Variants in NKAIN2 observed in about 807,000 individuals in gnomAD.
The protein encoded by NKAIN2 is sodium/potassium transporting ATPase interacting 2.
Under a neutral mutation model 32.6 loss-of-function variants are expected in NKAIN2, and 14 were observed. The ratio of observed to expected loss-of-function variants is 0.43; its 90% CI spans 0.28 to 0.67. The LOEUF (loss-of-function observed/expected upper bound fraction) is 0.67, where lower values mean the gene tolerates loss of function less well. Ranked by LOEUF, NKAIN2 falls within the 30% of genes least tolerant of loss-of-function variation. NKAIN2 has a pLI of 0.17. For missense variants in NKAIN2, 198 were observed against 258.3 expected (o/e 0.77, Z 1.60); for synonymous variants, 80 against 87.2 (o/e 0.92, Z 0.46).
intron 2 of NKAIN2, among the ~76,000 whole-genome samples, chr6:124,316,091 C>CT (rs568578819): frequency 2.6e-4 from 40 of 151,792 alleles, no homozygotes; most frequent in South Asian, 2.3e-3. Flanking sequence ...CTAGAGTTAA[C>CT]TTTTTTTTGT....
At chr6:124,227,139 C>T (rs1792161761) in intron 1 of NKAIN2, among the ~76,000 whole-genome samples, 1 of 150,568 alleles carries the variant, frequency 6.6e-6, no homozygotes, top group South Asian at 2.1e-4. Flanking sequence ...GGCCTGAACT[C>T]AAACCTCCTT....
At chr6:124,168,241 A>G (rs1378621179) in intron 1 of NKAIN2, among the ~76,000 whole-genome samples, 2 of 152,172 alleles carry the variant, frequency 1.3e-5, no homozygotes, top group Non-Finnish European at 2.9e-5. Context: ...AAATTTGACA[A>G]GTTAACTGAA....
In NKAIN2 at chr6:124,823,521, G is replaced by T. The variant is rs1330853508; in HGVS notation, c.*292G>T. The T allele has an allele frequency of 7.7e-6, 3 of 391,682 alleles. No individual in the cohort carries two copies. The highest frequency in any genetic ancestry group is 4.4e-5 in the South Asian group (1 of 22,976). 24.3% of individuals were successfully genotyped at this position (391,682 alleles called of 1,614,324 possible). On this transcript the variant is annotated 3_prime_UTR_variant, in exon 7 of 7. Coordinates refer to ENST00000368417, the MANE Select transcript of NKAIN2 (RefSeq NM_001040214.3). Reference sequence around the variant, plus strand: ...CCCCTTTCTCCCAGGCCTTCGGAAAGTTCAGAAGGAGATGTGTTGATGCCC... The same window carrying T: ...CCCCTTTCTCCCAGGCCTTCGGAAATTTCAGAAGGAGATGTGTTGATGCCC...
At chr6:124,672,782 T>G (rs2114479051) in intron 4 of NKAIN2, among the ~76,000 whole-genome samples, 1 of 152,170 alleles carries the variant, frequency 6.6e-6, no homozygotes, top group East Asian at 1.9e-4. Context: ...TGAAACCCTA[T>G]GTAAAAGATA....
chr6:124,042,475 T>A (rs1781913793), intron 1 of NKAIN2, among the ~76,000 whole-genome samples: 1 of 152,036 alleles, frequency 6.6e-6, no homozygotes, highest in South Asian at 2.1e-4. Flanking sequence ...ATTTCCTTAT[T>A]CTACTCCTTA....
chr6:124,822,758 C>T (rs1371275836), intron 6 of NKAIN2, among the ~76,000 whole-genome samples: 1 of 151,990 alleles, frequency 6.6e-6, no homozygotes, highest in East Asian at 1.9e-4. Flanking sequence ...CTGCGTGCTC[C>T]AGCCCCGGCA....
rs61588781 is a variant in NKAIN2, at chr6:124,369,880, A to AT, written c.273+14551dup. Among the ~76,000 whole-genome samples, 125 of 82,374 alleles carry AT rather than the reference A, an allele frequency of 1.5e-3. 6 individuals are homozygous for AT. The South Asian group carries it at 0.031, about 21-fold the overall frequency. 54.0% of individuals were successfully genotyped at this position (82,374 alleles called of 152,430 possible). A position where few individuals can be genotyped will look rare whatever the true frequency, so the allele number is the denominator to read the frequency against. On this transcript the variant is annotated intron_variant, in intron 3 of 6. Coordinates refer to ENST00000368417, the MANE Select transcript of NKAIN2 (RefSeq NM_001040214.3). ...ATTTGCTTTAGAGGGCAGAATGTCA[A>AT]TTTTTTTTTTTTTTTTTTAACCTGT... is the stretch of plus-strand genomic sequence containing the variant.
chr6:124,598,501 T>C (rs899646779), intron 3 of NKAIN2, among the ~76,000 whole-genome samples: 8 of 152,064 alleles, frequency 5.3e-5, no homozygotes, highest in Non-Finnish European at 4.4e-5. Flanking sequence ...GGTAGAACCA[T>C]GCAATGGGTC....
intron 1 of NKAIN2, among the ~76,000 whole-genome samples, chr6:124,032,721 T>C (rs984729842): frequency 6.6e-6 from 1 of 152,082 alleles, no homozygotes; most frequent in Non-Finnish European, 1.5e-5. Flanking sequence ...ATTTAAAACA[T>C]TATTTTATTT....
At chr6:124,820,310 C>T (rs142591831) in intron 6 of NKAIN2, among the ~76,000 whole-genome samples, 171 of 152,278 alleles carry the variant, frequency 1.1e-3, no homozygotes, top group African/African-American at 2.5e-3. Flanking sequence ...AAATTCCCTC[C>T]GACCGTGGGC....
intron 1 of NKAIN2, among the ~76,000 whole-genome samples, chr6:124,162,650 C>T (rs1048291643): frequency 6.6e-6 from 1 of 152,014 alleles, no homozygotes; most frequent in Non-Finnish European, 1.5e-5. Context: ...TGATCACAAA[C>T]TCAAACTGCC....
chr6:124,659,783 C>T (rs1051591692), intron 4 of NKAIN2, among the ~76,000 whole-genome samples: 3 of 151,824 alleles, frequency 2.0e-5, no homozygotes, highest in African/African-American at 4.8e-5. Flanking sequence ...GTTCATTGTG[C>T]GGAATTGGTC....
chr6:124,641,027 C>A lies in NKAIN2; in HGVS notation c.274-17159C>A, dbSNP rs528332892. 2.5e-4 allele frequency among the ~76,000 whole-genome samples: 38 copies of A among 152,294 alleles called. No individual in the cohort carries two copies. The South Asian group carries it at 7.9e-3, about 32-fold the overall frequency. ...TTGATATGCACTTCTTGAGAAGGAA[C>A]TGTGAACATATCGGGTTTAACATGT... is the stretch of plus-strand genomic sequence containing the variant. On this transcript the variant is annotated intron_variant, in intron 3 of 6. Transcript: ENST00000368417.
intron 4 of NKAIN2, among the ~76,000 whole-genome samples, chr6:124,725,980 G>T (rs375846165): frequency 2.0e-5 from 3 of 152,194 alleles, no homozygotes; most frequent in South Asian, 2.1e-4. Context: ...ACTCCCACCC[G>T]AATACTGCGC....
intron 3 of NKAIN2, among the ~76,000 whole-genome samples, chr6:124,381,283 T>C (rs556823688): frequency 1.3e-5 from 2 of 152,260 alleles, no homozygotes; most frequent in African/African-American, 4.8e-5. Flanking sequence ...TTACTACTTT[T>C]AAAGAAATTA....
intron 4 of NKAIN2, among the ~76,000 whole-genome samples, chr6:124,690,054 T>C (rs1050869158): frequency 3.0e-4 from 45 of 152,142 alleles, no homozygotes; most frequent in Admixed American, 2.4e-3. Context: ...AGAACAGATA[T>C]CTTGAAATAT....
chr6:124,312,984 T>C (rs546451720), intron 2 of NKAIN2, among the ~76,000 whole-genome samples: 12 of 152,220 alleles, frequency 7.9e-5, no homozygotes, highest in Non-Finnish European at 1.3e-4. Context: ...GGATTCTGCT[T>C]TCTGAGGCCT....
At chr6:124,805,245 T>C (rs1236940194) in intron 5 of NKAIN2, among the ~76,000 whole-genome samples, 2 of 151,998 alleles carry the variant, frequency 1.3e-5, no homozygotes, top group African/African-American at 4.8e-5. Context: ...CACCCCCCAG[T>C]AGGGGCAGAC....
At chr6:123,948,503 C>T (rs1211238780) in intron 1 of NKAIN2, among the ~76,000 whole-genome samples, 1 of 151,070 alleles carries the variant, frequency 6.6e-6, no homozygotes, top group Non-Finnish European at 1.5e-5. Context: ...ATTTGCATTT[C>T]CCTGATGATT....
Sources: allele counts gnomAD v4.1 joint callset (sites outside exome capture counted in the v4.1 genomes callset), GRCh38; gene constraint gnomAD v4.1.1; transcripts MANE v1.5; gene names NCBI Gene and HGNC (gene_info 2026-07-23, HGNC 2026-07-21).